Variants in SLC39A9 observed in about 807,000 individuals in gnomAD.
The protein encoded by SLC39A9 is solute carrier family 39 member 9.
A neutral mutation model predicts 28.4 loss-of-function variants in SLC39A9; 14 were observed. The ratio of observed to expected loss-of-function variants is 0.49; its 90% CI spans 0.33 to 0.77. SLC39A9 has a LOEUF of 0.77. Among genes scored for constraint, SLC39A9 ranks in the 30% least tolerant of loss-of-function variants. SLC39A9 has a pLI of 0.02. For missense variants in SLC39A9, 283 were observed against 381.1 expected (o/e 0.74, Z 2.14); for synonymous variants, 119 against 149.6 (o/e 0.80, Z 1.49).
intron 1 of SLC39A9, among the ~76,000 whole-genome samples, chr14:69,421,815 G>T (rs1011292314): frequency 4.6e-5 from 7 of 152,326 alleles, no homozygotes; most frequent in Admixed American, 3.9e-4. Context: ...TAAGCAAGGA[G>T]CGGGATATAA....
At chr14:69,399,815 T>G (rs1297249972) in intron 1 of SLC39A9, among the ~76,000 whole-genome samples, 1 of 152,192 alleles carries the variant, frequency 6.6e-6, no homozygotes, top group East Asian at 1.9e-4. Flanking sequence ...CAGATTGTTA[T>G]CAAGAAAATA....
intron 3 of SLC39A9, among the ~76,000 whole-genome samples, chr14:69,452,846 A>G (rs1409532584): frequency 2.0e-5 from 3 of 152,230 alleles, no homozygotes; most frequent in Non-Finnish European, 4.4e-5. Flanking sequence ...TGGTCTGGAA[A>G]GAAATGATCA....
Position 69,453,228 on chromosome 14 carries a change from A to G in SLC39A9, c.404-13A>G, listed in dbSNP as rs1305022223. On this transcript the variant is annotated splice_polypyrimidine_tract_variant and intron_variant, in intron 3 of 6. Transcript: ENST00000336643. ...CACATAGCTTAACGCTGTCTTTCTC[A>G]TTTTCACTTTAGATCCAGAAGCAGC... 4 of 1,611,842 alleles carry G rather than the reference A, an allele frequency of 2.5e-6. No individual in the cohort carries two copies. The highest frequency in any genetic ancestry group is 1.3e-5 in the African/African-American group (1 of 74,850).
rs1290997489 is a variant in SLC39A9 at position 69,459,635 on chromosome 14, C to T, written c.*1042C>T. ...CTAAATACTAGGTCAGCTTTGGCGA[C>T]ACTGTGTCTTCTCACATAACCACCT... On this transcript the variant is annotated 3_prime_UTR_variant, in exon 7 of 7. Transcript: ENST00000336643. 3.0e-6 allele frequency: 3 copies of T among 983,786 alleles called. No homozygotes were observed. The East Asian group carries it at 3.4e-4, about 112-fold the overall frequency. 60.9% of individuals were successfully genotyped at this position (983,786 alleles called of 1,614,324 possible).
At chr14:69,400,520 G>A (rs1026479905) in intron 1 of SLC39A9, among the ~76,000 whole-genome samples, 2 of 152,224 alleles carry the variant, frequency 1.3e-5, no homozygotes, top group Admixed American at 6.5e-5. Context: ...AAGATTTCAT[G>A]AGTTTGTCCT....
chr14:69,421,079 G>A (rs974153285), intron 1 of SLC39A9, among the ~76,000 whole-genome samples: 1 of 152,158 alleles, frequency 6.6e-6, no homozygotes, highest in Non-Finnish European at 1.5e-5. Flanking sequence ...AGGTGCTCTG[G>A]TTTTTAGAAT....
intron 1 of SLC39A9, among the ~76,000 whole-genome samples, chr14:69,423,020 T>C (rs1883985894): frequency 6.6e-6 from 1 of 152,212 alleles, no homozygotes; most frequent in African/African-American, 2.4e-5. Context: ...AATTTTAGCA[T>C]TGATGTCTAA....
intron 4 of SLC39A9, among the ~76,000 whole-genome samples, chr14:69,453,828 G>T (rs1341781956): frequency 6.6e-6 from 1 of 152,224 alleles, no homozygotes; most frequent in East Asian, 1.9e-4. Flanking sequence ...CATCTCTTTT[G>T]TTTTTGTGCA....
chr14:69,421,309 C>T (rs1007794340), intron 1 of SLC39A9, among the ~76,000 whole-genome samples: 2 of 152,218 alleles, frequency 1.3e-5, no homozygotes, highest in Admixed American at 1.3e-4. Context: ...ATGCTGTTTG[C>T]CTTGGTATCA....
At chr14:69,399,636 T>C (rs1393171519) in intron 1 of SLC39A9, among the ~76,000 whole-genome samples, 171 bp downstream of exon 1, 1 of 152,212 alleles carries the variant, frequency 6.6e-6, no homozygotes, top group East Asian at 1.9e-4. Context: ...AACCTCATAT[T>C]CATTAGTGGA....
rs751562715 is a variant in SLC39A9 at position 69,458,508 on chromosome 14, G to A, written c.839G>A (p.Gly280Glu). 5 of 1,614,146 alleles carry A rather than the reference G, an allele frequency of 3.1e-6. No individual in the cohort carries two copies. The highest frequency in any genetic ancestry group is 4.2e-6 in the Non-Finnish European group (5 of 1,180,048). The stretch of plus-strand genomic sequence containing the variant: ...AGCCACAAGCCCGATGCCACGGGAG[G>A]GAGAGGCCTCAGCCGCCTGGAAGTG... ...GHSHKPDATG[G>E]RGLSRLEVAA... Residue 280 changes from glycine (G) to glutamate (E), a missense_variant, in exon 7 of 7, where the codon GGG becomes GAG. Coordinates refer to ENST00000336643, the MANE Select transcript of SLC39A9 (RefSeq NM_018375.5).
At chr14:69,438,464 T>G (rs760540310) in intron 2 of SLC39A9, among the ~76,000 whole-genome samples, 54 of 152,228 alleles carry the variant, frequency 3.5e-4, no homozygotes, top group Non-Finnish European at 7.6e-4. Flanking sequence ...CAGTATATCA[T>G]GTTAACTAAG....
At chr14:69,430,618 A>G (rs934359791) in intron 2 of SLC39A9, among the ~76,000 whole-genome samples, 1 of 125,378 alleles carries the variant, frequency 8.0e-6, no homozygotes, top group Non-Finnish European at 1.7e-5. Context: ...CTTTGTTCTT[A>G]TTTTTCTTTC....
intron 1 of SLC39A9, among the ~76,000 whole-genome samples, chr14:69,422,583 C>A (rs116417532): frequency 1.3e-4 from 20 of 151,826 alleles, no homozygotes; most frequent in Non-Finnish European, 2.5e-4. Context: ...CTCTCCTTGC[C>A]GGTTTTTTTG....
At chr14:69,429,718 A>T (rs1203914963) in intron 2 of SLC39A9, among the ~76,000 whole-genome samples, 4 of 152,206 alleles carry the variant, frequency 2.6e-5, no homozygotes, top group Non-Finnish European at 5.9e-5. Context: ...ACAAAAGAAT[A>T]CTTGCAAGTA....
Position 69,460,537 on chromosome 14 carries a change from G to A in SLC39A9, c.*1944G>A. On this transcript the variant is annotated 3_prime_UTR_variant, in exon 7 of 7. Coordinates refer to ENST00000336643, the MANE Select transcript of SLC39A9 (RefSeq NM_018375.5). ...GGAAACTGACTTTGTCAAATAAATA[G>A]CAGATTGTAGTGTCTGGTTTGGTTT... The A allele has an allele frequency of 1.0e-6, 1 of 985,172 alleles. No homozygotes were observed. Among genetic ancestry groups the A allele is most frequent in the Non-Finnish European group, 1.2e-6 (1 of 829,858 alleles). 61.0% of individuals were successfully genotyped at this position (985,172 alleles called of 1,614,324 possible).
intron 2 of SLC39A9, among the ~76,000 whole-genome samples, chr14:69,430,431 C>A (rs1884428675): frequency 6.6e-6 from 1 of 151,956 alleles, no homozygotes; most frequent in Admixed American, 6.6e-5. Context: ...GAAAAAAAAT[C>A]CCTTCTCTAT....
chr14:69,456,014 T>C, intron 6 of SLC39A9, 148 bp downstream of exon 6: 1 of 872,846 alleles, frequency 1.1e-6, no homozygotes, highest in Non-Finnish European at 1.7e-6. Context: ...AATATCTTAA[T>C]TCCAATGCGT....
chr14:69,421,438 A>G (rs1039599471), intron 1 of SLC39A9, among the ~76,000 whole-genome samples: 1 of 152,204 alleles, frequency 6.6e-6, no homozygotes, highest in Non-Finnish European at 1.5e-5. Context: ...GGTATCTCCC[A>G]CTTAGGCTAC....
Sources: gnomAD v4.1 joint callset for allele counts (sites outside exome capture counted in the v4.1 genomes callset) on GRCh38, gnomAD v4.1.1 for gene constraint, MANE v1.5 for transcripts, NCBI Gene and HGNC (gene_info 2026-07-23, HGNC 2026-07-21) for gene names.